LACC1: variants seen among roughly 807,000 people sequenced by gnomAD.
LACC1 encodes purine nucleoside phosphorylase LACC1.
In LACC1, 25 loss-of-function variants were observed where a neutral mutation model predicts 34.8. The observed-to-expected ratio is 0.72, with a 90% CI of 0.52 to 1.00. The LOEUF (loss-of-function observed/expected upper bound fraction) is 1.00. Among genes scored for constraint, LACC1 ranks in the 50% least tolerant of loss-of-function variants. The pLI, the probability that LACC1 is intolerant of heterozygous loss-of-function variation, is 0.00. For missense variants in LACC1, 426 were observed against 511.2 expected (o/e 0.83, Z 1.61); for synonymous variants, 162 against 168.0 (o/e 0.96, Z 0.28).
rs1018079064 is a variant in LACC1 at position 43,890,367 on chromosome 13, T to C, written c.*1+93T>C. 211 of 1,011,604 alleles carry C rather than the reference T, an allele frequency of 2.1e-4. 1 individual carries two copies. Among genetic ancestry groups the C allele is most frequent in the Non-Finnish European group, 2.3e-4 (167 of 710,926 alleles). The allele number at this position is 1,011,604 out of a possible 1,614,324, so 62.7% of individuals were successfully genotyped here. A position where few individuals can be genotyped will look rare whatever the true frequency, so the allele number is the denominator to read the frequency against. On this transcript the variant is annotated intron_variant, in intron 6 of 6. Coordinates refer to ENST00000325686, the MANE Select transcript of LACC1 (RefSeq NM_153218.4). ...CTTTCTCTTTCTTCCTCTTTTAGCC[T>C]ATTCCTCCCCTTATTTAAAAAAAAA... is the stretch of plus-strand genomic sequence containing the variant.
intron 4 of LACC1, among the ~76,000 whole-genome samples, chr13:43,887,442 A>G (rs1030569988): frequency 6.6e-6 from 1 of 152,180 alleles, no homozygotes; most frequent in African/African-American, 2.4e-5. Flanking sequence ...GAAAAATGCA[A>G]TATTCTTAGC....
chr13:43,883,869 T>C lies in LACC1; in HGVS notation c.840T>C (p.Leu280=). The C allele has an allele frequency of 6.2e-7, 1 of 1,613,786 alleles. No homozygotes were observed. The highest frequency in any genetic ancestry group is 8.5e-7 in the Non-Finnish European group (1 of 1,179,742). The change falls in exon 4 of 7, where the codon CTT becomes CTC. Residue 280 remains leucine (L), a synonymous_variant. Coordinates refer to ENST00000325686, the MANE Select transcript of LACC1 (RefSeq NM_153218.4). Reference sequence around the variant, plus strand: ...AGAGAGGAGTCACAATAGCAGCTCTTGGTGCAGACTGTATACCGATAGTTT... The same window carrying C: ...AGAGAGGAGTCACAATAGCAGCTCTCGGTGCAGACTGTATACCGATAGTTT... ...TNQRGVTIAA[L]GADCIPIVFA...
Position 43,892,647 on chromosome 13 carries a change from A to C in LACC1, c.*1200A>C, listed in dbSNP as rs1955611041. Reference sequence around the variant, plus strand: ...AACCTGAGACAGAGACAAATATTTCAAAGCTTACAATACAGAGATGATACC... The same window carrying C: ...AACCTGAGACAGAGACAAATATTTCCAAGCTTACAATACAGAGATGATACC... On this transcript the variant is annotated 3_prime_UTR_variant, in exon 7 of 7. Transcript: ENST00000325686. 6.6e-6 allele frequency: 1 copy of C among 152,186 alleles called. No individual in the cohort carries two copies. Among genetic ancestry groups the C allele is most frequent in the African/African-American group, 2.4e-5 (1 of 41,462 alleles). The allele number at this position is 152,186 out of a possible 1,614,324, so 9.4% of individuals were successfully genotyped here.
At chr13:43,886,820 A>G (rs1955354629) in intron 4 of LACC1, among the ~76,000 whole-genome samples, 1 of 152,222 alleles carries the variant, frequency 6.6e-6, no homozygotes, top group Non-Finnish European at 1.5e-5. Context: ...TACTACTTTT[A>G]TCAGATATCA....
Position 43,890,233 on chromosome 13 carries a change from A to G in LACC1, c.1253A>G (p.Asn418Ser). The change falls in exon 6 of 7, where the codon AAT becomes AGT. Residue 418 changes from asparagine (N) to serine (S), a missense_variant. Coordinates refer to ENST00000325686, the MANE Select transcript of LACC1 (RefSeq NM_153218.4). ...TTCTCCCATGTCCGAGATGGCCTTA[A>G]TTTTGGTACACAGATTGGCTTCATA... is the stretch of plus-strand genomic sequence containing the variant. The part of the protein sequence containing the change: ...KFFSHVRDGL[N>S]FGTQIGFISI... 1 of 1,613,810 alleles carries G rather than the reference A, an allele frequency of 6.2e-7. No individual in the cohort carries two copies.
Position 43,892,395 on chromosome 13 carries a change from A to G in LACC1, c.*948A>G, listed in dbSNP as rs1232183861. ...GAGAGACATTTAAGAGATGGAATCA[A>G]TAGATCCTGTTACTAGATAATGGAA... is the stretch of plus-strand genomic sequence containing the variant. On this transcript the variant is annotated 3_prime_UTR_variant, in exon 7 of 7. Transcript: ENST00000325686. 1 of 152,086 alleles carries G rather than the reference A, an allele frequency of 6.6e-6. No individual in the cohort carries two copies. The highest frequency in any genetic ancestry group is 1.5e-5 in the Non-Finnish European group (1 of 67,980). The allele number at this position is 152,086 out of a possible 1,614,324, so 9.4% of individuals were successfully genotyped here.
At chr13:43,885,342 C>G (rs1327387739) in intron 4 of LACC1, among the ~76,000 whole-genome samples, 2 of 152,102 alleles carry the variant, frequency 1.3e-5, no homozygotes, top group South Asian at 2.1e-4. Flanking sequence ...AGTCATATTG[C>G]CTCCCTTCAA....
upstream of LACC1, chr13:43,879,775 A>AGGCGGGGCGC: frequency 1.3e-5 from 1 of 77,176 alleles, no homozygotes. Flanking sequence ...GAGGGGGGCG[A>AGGCGGGGCGC]GGTGAGGCGG....
chr13:43,889,055 CAATT>C, intron 5 of LACC1, 73 bp downstream of exon 5: 1 of 1,222,124 alleles, frequency 8.2e-7, no homozygotes, highest in African/African-American at 1.5e-5. Flanking sequence ...TTTTGGAGAA[CAATT>C]AATAACTCTA....
At chr13:43,879,760 T>TGGGCGGGGGGG (rs1954842198), upstream of LACC1, 1 of 98,172 alleles carries the variant, frequency 1.0e-5, no homozygotes, top group African/African-American at 3.7e-5. Flanking sequence ...CGGGGCGAGG[T>TGGGCGGGGGGG]GGGCGAGGGG....
intron 4 of LACC1, among the ~76,000 whole-genome samples, chr13:43,886,500 G>A (rs1036390785): frequency 2.6e-5 from 4 of 152,126 alleles, no homozygotes; most frequent in African/African-American, 9.7e-5. Flanking sequence ...ATTAATGCAG[G>A]AACAGAAAAT....
rs760385768 is a variant in LACC1, at chr13:43,881,199, C to T, written c.214C>T (p.Leu72Phe). The change falls in exon 2 of 7, where the codon CTC becomes TTC. Residue 72 changes from leucine to phenylalanine, a missense_variant. Physicochemically the swap from Leu to Phe is conservative, Grantham distance 22. Around this residue, in one of 2 missense-constraint regions of LACC1, gnomAD observed 217 missense variants for 210.9 expected, o/e 1.03. Transcript: ENST00000325686. ...AGAAACAAGCAATGGATTATCAGCT[C>T]TCTTGGAAGAATTTGAGATTGTTAG... ...EIETSNGLSA[L>F]LEEFEIVSCP... is the part of the protein sequence containing the mutation. 5.0e-6 allele frequency: 8 copies of T among 1,614,136 alleles called. No individual in the cohort carries two copies. The highest frequency in any genetic ancestry group is 3.3e-5 in the South Asian group (3 of 91,070).
In LACC1 at chr13:43,881,268, A is replaced by G; in HGVS notation, c.283A>G (p.Ile95Val). Reference sequence around the variant, plus strand: ...CACTTTGTATACCATTAAACAGAAAATTGATGAAAAAAATCTGAGCAGCAT... The same window carrying G: ...CACTTTGTATACCATTAAACAGAAAGTTGATGAAAAAAATCTGAGCAGCAT... ...AATLYTIKQKIDEKNLSSIKV... is the reference protein window; with the variant it reads ...AATLYTIKQKVDEKNLSSIKV... Residue 95 changes from isoleucine to valine, a missense_variant, in exon 2 of 7, where the codon ATT (isoleucine) becomes GTT (valine). Ile to Val is a conservative substitution (Grantham distance 29, BLOSUM62 3). This residue lies in a region of LACC1 where 217 missense variants were observed against 210.9 expected (regional missense o/e 1.03). Coordinates refer to ENST00000325686, the MANE Select transcript of LACC1 (RefSeq NM_153218.4). 1 of 1,614,208 alleles carries G rather than the reference A, an allele frequency of 6.2e-7. No homozygotes were observed. Among genetic ancestry groups the G allele is most frequent in the Non-Finnish European group, 8.5e-7 (1 of 1,180,028 alleles).
chr13:43,884,319 GACCA>G (rs964368005), intron 4 of LACC1, among the ~76,000 whole-genome samples: 3 of 152,152 alleles, frequency 2.0e-5, no homozygotes. Flanking sequence ...TAATAACCAA[GACCA>G]ACCAACCAAC....
chr13:43,890,347 T>C, intron 6 of LACC1, 73 bp downstream of exon 6: 1 of 1,241,888 alleles, frequency 8.1e-7, no homozygotes, highest in African/African-American at 1.5e-5. Flanking sequence ...CCTCCCTTTC[T>C]CTTTCTTCCT....
At chr13:43,890,397 T>A in intron 6 of LACC1, 123 bp downstream of exon 6, 7 of 745,618 alleles carry the variant, frequency 9.4e-6, no homozygotes, top group Non-Finnish European at 1.2e-5. Context: ...AAAAAAAAGT[T>A]AATTATGTTA....
rs560930499 is a variant in LACC1, at chr13:43,882,653, A to C, written c.741+290A>C. On this transcript the variant is annotated intron_variant, in intron 3 of 6. Transcript: ENST00000325686. ...TTCTTAGAAATTGTGACTTTAAGTG[A>C]AACGACATAATAAAACCAATTTTAC... 1.3e-4 allele frequency among the ~76,000 whole-genome samples: 20 copies of C among 150,856 alleles called. No homozygotes were observed. In the South Asian group the frequency reaches 4.0e-3, roughly 30 times the overall value.
intron 1 of LACC1, among the ~76,000 whole-genome samples, chr13:43,880,662 A>G (rs1453866265): frequency 1.3e-5 from 2 of 152,218 alleles, no homozygotes; most frequent in East Asian, 3.8e-4. Flanking sequence ...TCTAAACTCC[A>G]CAAGTAATTC....
chr13:43,882,150 G>A (rs9567298), intron 2 of LACC1, 35 bp from the exon 3 acceptor site: 26,044 of 1,524,406 alleles, frequency 0.017, 420 homozygotes, highest in East Asian at 0.067. Context: ...ATTTTGAATA[G>A]CATCTTTTAA....
Sources: allele counts gnomAD v4.1 joint callset (sites outside exome capture counted in the v4.1 genomes callset), GRCh38; gene constraint gnomAD v4.1.1; regional missense constraint gnomAD v4.1.1; transcripts MANE v1.5; gene names NCBI Gene and HGNC (gene_info 2026-07-23, HGNC 2026-07-21).